Variants in UTP14A observed in about 807,000 individuals in gnomAD.
UTP14A encodes UTP14A small subunit processome component.
In UTP14A, 5 loss-of-function variants were observed where a neutral mutation model predicts 57.2. The ratio of observed to expected loss-of-function variants is 0.09; its 90% CI spans 0.05 to 0.18. The LOEUF is 0.18. Ranked by LOEUF, UTP14A falls within the 10% of genes least tolerant of loss-of-function variation. UTP14A has a pLI of 1.00. For missense variants in UTP14A, 430 were observed against 562.1 expected (o/e 0.76, Z 2.38); for synonymous variants, 169 against 210.9 (o/e 0.80, Z 1.72).
intron 4 of UTP14A, among the ~76,000 whole-genome samples, chrX:129,909,887 A>G (rs539317967): frequency 3.1e-4 from 35 of 112,338 alleles, no homozygotes; most frequent in African/African-American, 1.1e-3. Context: ...GTACTTATTC[A>G]GTGGATATTT....
chrX:129,916,758 G>A (rs1205002449), intron 6 of UTP14A, among the ~76,000 whole-genome samples: 2 of 111,628 alleles, frequency 1.8e-5, no homozygotes, highest in East Asian at 5.6e-4. Context: ...ATAAAATTAC[G>A]TAGCATTTTA....
chrX:129,908,647 T>C, intron 3 of UTP14A, 23 bp from the exon 4 acceptor site: 1 of 1,202,515 alleles, frequency 8.3e-7, no homozygotes, highest in Non-Finnish European at 1.1e-6. Flanking sequence ...TCATTCCTAT[T>C]ATATCGTTTT....
chrX:129,923,963 CTT>C (rs764398386), intron 11 of UTP14A, among the ~76,000 whole-genome samples: 2 of 101,540 alleles, frequency 2.0e-5, no homozygotes. Flanking sequence ...CAATATGCTA[CTT>C]TTTTTTTTTT....
intron 1 of UTP14A, among the ~76,000 whole-genome samples, chrX:129,906,445 C>T (rs1038966458): frequency 1.8e-5 from 2 of 112,112 alleles, no homozygotes; most frequent in African/African-American, 6.5e-5. Flanking sequence ...ATAGCCGCAT[C>T]CCTGTTGGTC....
At position 129,921,400 on chromosome X, in the gene UTP14A, T is replaced by A. The variant is rs1393963391; in HGVS notation, c.1161T>A (p.Ala387=). 8.3e-7 allele frequency: 1 copy of A among 1,209,949 alleles called. No individual in the cohort carries two copies. The highest frequency in any genetic ancestry group is 1.1e-6 in the Non-Finnish European group (1 of 895,269). ...GCTGCACCAGTGACACCAAAGAGGC[T>A]GCAACCCAGGAGGACCCTGAGCAAC... The part of the protein sequence containing the change: ...LRSCTSDTKE[A]ATQEDPEQLP... Residue 387 remains alanine, a synonymous_variant, in exon 11 of 15, where the codon GCT becomes GCA. Coordinates refer to ENST00000394422, the MANE Select transcript of UTP14A (RefSeq NM_006649.4).
In UTP14A at chrX:129,907,449, G is replaced by A. The variant is rs761553956; in HGVS notation, c.102+7G>A. The stretch of plus-strand genomic sequence containing the variant: ...GAGTGAGAGTGAAGATGAGGTGGGT[G>A]ACAATTGCTAAACTGCCTTCAAAAT... On this transcript the variant is annotated splice_region_variant and intron_variant, in intron 2 of 14. Coordinates refer to ENST00000394422, the MANE Select transcript of UTP14A (RefSeq NM_006649.4). The A allele has an allele frequency of 1.7e-6, 2 of 1,200,669 alleles. No homozygotes were observed. The highest frequency in any genetic ancestry group is 1.8e-5 in the South Asian group (1 of 55,402).
At chrX:129,913,631 T>C (rs768711060) in intron 6 of UTP14A, among the ~76,000 whole-genome samples, 2 of 112,011 alleles carry the variant, frequency 1.8e-5, no homozygotes, top group South Asian at 7.3e-4. Flanking sequence ...CACCTTGCTT[T>C]TTCCAAATGA....
At chrX:129,913,177 A>G (rs1375492362) in intron 6 of UTP14A, among the ~76,000 whole-genome samples, 2 of 111,827 alleles carry the variant, frequency 1.8e-5, no homozygotes, top group Non-Finnish European at 3.8e-5. Context: ...GGCGTTGGGA[A>G]GTTGAGCTAA....
At chrX:129,929,234 A>G in intron 14 of UTP14A, 102 bp from the exon 15 acceptor site, 1 of 1,020,618 alleles carries the variant, frequency 9.8e-7, no homozygotes, top group Non-Finnish European at 1.3e-6. Flanking sequence ...ATCATGTGGA[A>G]CCGTGGCCTG....
chrX:129,925,281 C>T, intron 12 of UTP14A, 86 bp downstream of exon 12: 2 of 1,109,084 alleles, frequency 1.8e-6, no homozygotes, highest in Admixed American at 2.7e-5. Context: ...GCTGGGGGCA[C>T]ATTTCAGTAG....
rs2124212812 is a variant in UTP14A, at chrX:129,921,371, A to T, written c.1132A>T (p.Arg378Trp). 8.3e-7 allele frequency: 1 copy of T among 1,212,038 alleles called. No homozygotes were observed. Among genetic ancestry groups the T allele is most frequent in the East Asian group, 3.0e-5 (1 of 33,872 alleles). ...NADGPNPWML[R>W]SCTSDTKEAA... ...AGATGGGCCGAATCCCTGGATGCTC[A>T]GGAGCTGCACCAGTGACACCAAAGA... The change falls in exon 11 of 15, where the codon AGG becomes TGG. Residue 378 changes from arginine to tryptophan, a missense_variant. By Grantham distance (101) the Arg-to-Trp change is moderately radical. Transcript: ENST00000394422.
At chrX:129,908,269 A>G in intron 3 of UTP14A, 139 bp downstream of exon 3, 1 of 482,049 alleles carries the variant, frequency 2.1e-6, no homozygotes, top group Non-Finnish European at 3.5e-6. Flanking sequence ...ATTAACTGTT[A>G]GCTGTTATTA....
At chrX:129,909,583 A>G (rs1929390125) in intron 4 of UTP14A, among the ~76,000 whole-genome samples, 1 of 111,389 alleles carries the variant, frequency 9.0e-6, no homozygotes, top group African/African-American at 3.3e-5. Flanking sequence ...AAGGAATAAG[A>G]GTTTGTTGGA....
intron 3 of UTP14A, 105 bp downstream of exon 3, chrX:129,908,235 C>G (rs1929328378): frequency 1.6e-6 from 1 of 607,630 alleles, no homozygotes; most frequent in Non-Finnish European, 2.6e-6. Context: ...ATACCAGTGC[C>G]TAGCATATAG....
At chrX:129,920,117 G>A (rs1326960351) in intron 8 of UTP14A, among the ~76,000 whole-genome samples, 1 of 111,130 alleles carries the variant, frequency 9.0e-6, no homozygotes, top group Admixed American at 9.6e-5. Context: ...TGAGCCCAGC[G>A]GGTGGAGGCT....
intron 5 of UTP14A, 109 bp from the exon 6 acceptor site, chrX:129,911,657 T>C: frequency 1.0e-6 from 1 of 957,482 alleles, no homozygotes; most frequent in Non-Finnish European, 1.5e-6. Flanking sequence ...TCTAGCATCC[T>C]GATTCTTTCT....
chrX:129,919,031 AC>A, intron 6 of UTP14A, 143 bp from the exon 7 acceptor site: 1 of 871,989 alleles, frequency 1.1e-6, no homozygotes, highest in Non-Finnish European at 1.6e-6. Flanking sequence ...CAAGACTGGA[AC>A]CCCCTTCTCT....
At chrX:129,925,227 C>T in intron 12 of UTP14A, 32 bp downstream of exon 12, 1 of 1,184,737 alleles carries the variant, frequency 8.4e-7, no homozygotes, top group Non-Finnish European at 1.1e-6. Context: ...GGCCATTGTT[C>T]AGAAAGTGTC....
intron 8 of UTP14A, among the ~76,000 whole-genome samples, chrX:129,919,891 G>A (rs978100315): frequency 6.3e-5 from 7 of 111,004 alleles, no homozygotes; most frequent in African/African-American, 9.8e-5. Context: ...ACCAGCCTGG[G>A]CAACATGGCA....
Sources: gnomAD v4.1 joint callset for allele counts (sites outside exome capture counted in the v4.1 genomes callset) on GRCh38, gnomAD v4.1.1 for gene constraint, MANE v1.5 for transcripts, NCBI Gene and HGNC (gene_info 2026-07-23, HGNC 2026-07-21) for gene names.